The following BCAS3 variants were observed in gnomAD, a reference collection of about 807,000 sequenced individuals.
The protein encoded by BCAS3 is BCAS4/BCAS3 fusion.
In BCAS3, 53 loss-of-function variants were observed where a neutral mutation model predicts 116.1. The ratio of observed to expected loss-of-function variants is 0.46; its 90% CI spans 0.37 to 0.57. BCAS3 has a LOEUF of 0.57. BCAS3 is among the 20% of genes least tolerant of loss of function. The pLI is 0.00. For synonymous variants in BCAS3, 391 were observed against 408.2 expected (o/e 0.96, Z 0.51); for missense variants, 917 against 1,165.4 (o/e 0.79, Z 3.10).
At chr17:60,948,893 T>G (rs775742074) in intron 14 of BCAS3, among the ~76,000 whole-genome samples, 69 of 151,558 alleles carry the variant, frequency 4.6e-4, no homozygotes, top group Non-Finnish European at 9.0e-4. Flanking sequence ...TTTTTTTCCC[T>G]CAAGATGAAG....
intron 5 of BCAS3, among the ~76,000 whole-genome samples, chr17:60,738,025 G>C (rs1386850949): frequency 1.3e-5 from 2 of 152,080 alleles, no homozygotes; most frequent in Non-Finnish European, 2.9e-5. Flanking sequence ...GATCTCAGGT[G>C]ATCTGCTTGT....
intron 18 of BCAS3, among the ~76,000 whole-genome samples, chr17:61,038,500 G>A (rs1031666994): frequency 8.6e-5 from 13 of 151,530 alleles, no homozygotes; most frequent in Non-Finnish European, 1.0e-4. Context: ...TGATCTGCCC[G>A]CCTCAGCCTC....
chr17:60,810,812 A>G, intron 7 of BCAS3: 1 of 679,404 alleles, frequency 1.5e-6, no homozygotes, highest in Non-Finnish European at 2.7e-6. Context: ...CTGAAGAAAA[A>G]CCTCGAAGAG....
chr17:61,232,200 G>GA (rs71148394), intron 22 of BCAS3, among the ~76,000 whole-genome samples: 46,580 of 72,434 alleles, frequency 0.64, 15,638 homozygotes, highest in East Asian at 0.88. Context: ...GAAAGACTCC[G>GA]AAAAAAAAAA....
At chr17:61,253,363 A>G (rs1024158370) in intron 22 of BCAS3, among the ~76,000 whole-genome samples, 2 of 151,590 alleles carry the variant, frequency 1.3e-5, no homozygotes, top group African/African-American at 4.8e-5. Flanking sequence ...GAGAATATAT[A>G]TATATATAAT....
rs939550500 is a variant in BCAS3 at position 61,226,104 on chromosome 17, T to TG, written c.2425+141546dup. 1.3e-5 allele frequency among the ~76,000 whole-genome samples: 2 copies of TG among 152,158 alleles called. No homozygotes were observed. The highest frequency in any genetic ancestry group is 2.4e-5 in the African/African-American group (1 of 41,528). Reference sequence around the variant, plus strand: ...GTGCCTGTCGAGAGTCCCAGCTGCTTGGGGGGCTAAGGTGGGAGGATCATT... The same window carrying TG: ...GTGCCTGTCGAGAGTCCCAGCTGCTTGGGGGGGCTAAGGTGGGAGGATCATT... On this transcript the variant is annotated intron_variant, in intron 22 of 23. Coordinates refer to ENST00000407086, the MANE Select transcript of BCAS3 (RefSeq NM_017679.5). This position sits in a 1 kb window ranked among gnomAD's most constrained non-coding sequence, Gnocchi z 6.0.
intron 6 of BCAS3, among the ~76,000 whole-genome samples, chr17:60,763,519 A>G (rs1466404004): frequency 6.6e-6 from 1 of 151,846 alleles, no homozygotes; most frequent in Non-Finnish European, 1.5e-5. Context: ...TGTATGTTGA[A>G]CCAGCCTTGC....
chr17:61,248,448 C>T lies in BCAS3; in HGVS notation c.2426-119879C>T, dbSNP rs539826225. Among the ~76,000 whole-genome samples, 81 of 152,308 alleles carry T rather than the reference C, an allele frequency of 5.3e-4. No homozygotes were observed. The highest frequency in any genetic ancestry group is 6.3e-4 in the Non-Finnish European group (43 of 68,030). On this transcript the variant is annotated intron_variant, in intron 22 of 23. Coordinates refer to ENST00000407086, the MANE Select transcript of BCAS3 (RefSeq NM_017679.5). The surrounding 1 kb of genome is among the most constrained non-coding windows in gnomAD (Gnocchi z 4.3). ...CTCAGGTCTTTCAAAGAAAACAACT[C>T]GTAAAGATACTGGCAGTTGAAGGTC...
intron 22 of BCAS3, among the ~76,000 whole-genome samples, chr17:61,267,284 C>T (rs898393622): frequency 6.6e-6 from 1 of 151,954 alleles, no homozygotes; most frequent in Non-Finnish European, 1.5e-5. Context: ...GTCTCGATCT[C>T]CTGACCTCAT....
In BCAS3 at chr17:61,034,512, A is replaced by G. The variant is rs1387784140; in HGVS notation, c.1638-154A>G. ...AATAATTCTACTTTTACTCCAGAAC[A>G]TAGTCTCACATCACCATTTATTACT... On this transcript the variant is annotated intron_variant, in intron 16 of 23. Transcript: ENST00000407086. This position sits in a 1 kb window ranked among gnomAD's most constrained non-coding sequence, Gnocchi z 5.0. 1.0e-5 allele frequency: 6 copies of G among 600,338 alleles called. No homozygotes were observed. Among genetic ancestry groups the G allele is most frequent in the African/African-American group, 1.9e-5 (1 of 51,760 alleles). The allele number at this position is 600,338 out of a possible 1,614,324, so 37.2% of individuals were successfully genotyped here. A position where few individuals can be genotyped will look rare whatever the true frequency, so the allele number is the denominator to read the frequency against.
chr17:60,959,698 G>GT lies in BCAS3; in HGVS notation c.1221+12353dup, dbSNP rs992768010. Among the ~76,000 whole-genome samples the GT allele has an allele frequency of 4.6e-5, 7 of 152,206 alleles. No individual in the cohort carries two copies. In the East Asian group the frequency reaches 1.2e-3, roughly 25 times the overall value. ...GGATGATGTCCAGATTTACTCAATG[G>GT]TTTTTTTCCTGTGGTTACTACAACA... On this transcript the variant is annotated intron_variant, in intron 14 of 23. Coordinates refer to ENST00000407086, the MANE Select transcript of BCAS3 (RefSeq NM_017679.5).
intron 22 of BCAS3, among the ~76,000 whole-genome samples, chr17:61,255,595 G>A (rs751404826): frequency 2.6e-5 from 4 of 152,210 alleles, no homozygotes; most frequent in Non-Finnish European, 5.9e-5. Context: ...GCTGAAATCA[G>A]AGTAGACTTG....
chr17:61,129,719 A>G (rs911573994), intron 22 of BCAS3, among the ~76,000 whole-genome samples: 1 of 152,206 alleles, frequency 6.6e-6, no homozygotes, highest in Non-Finnish European at 1.5e-5. Flanking sequence ...GCCGATCTTC[A>G]GTTTCAGAAC....
intron 22 of BCAS3, among the ~76,000 whole-genome samples, chr17:61,170,146 GC>G (rs755617731): frequency 9.2e-5 from 14 of 151,978 alleles, no homozygotes; most frequent in Non-Finnish European, 1.8e-4. Context: ...GAGTCACCGC[GC>G]CCGGCTAACA....
chr17:60,756,449 T>C (rs530077074), intron 6 of BCAS3, among the ~76,000 whole-genome samples: 1 of 152,312 alleles, frequency 6.6e-6, no homozygotes, highest in Non-Finnish European at 1.5e-5. Flanking sequence ...TCCCAGGCTC[T>C]GGTATGTATC....
chr17:60,832,648 G>C (rs2051040454), intron 7 of BCAS3, among the ~76,000 whole-genome samples: 1 of 152,036 alleles, frequency 6.6e-6, no homozygotes, highest in Admixed American at 6.6e-5. Context: ...AATGTAAAGA[G>C]GTTATTTTTT....
intron 7 of BCAS3, among the ~76,000 whole-genome samples, chr17:60,848,022 A>G (rs2052685793): frequency 6.6e-6 from 1 of 152,206 alleles, no homozygotes; most frequent in Non-Finnish European, 1.5e-5. Context: ...ATTCTTTTGC[A>G]GAGAAATATC....
intron 9 of BCAS3, 43 bp from the exon 10 acceptor site, chr17:60,889,652 G>A: frequency 6.6e-7 from 1 of 1,516,840 alleles, no homozygotes; most frequent in Non-Finnish European, 9.1e-7. Flanking sequence ...CAACAGAAAA[G>A]TTATTAAGAA....
intron 7 of BCAS3, among the ~76,000 whole-genome samples, chr17:60,865,702 A>G (rs530939175): frequency 6.6e-6 from 1 of 152,180 alleles, no homozygotes; most frequent in Non-Finnish European, 1.5e-5. Context: ...AGATCATGTT[A>G]TCTGTGATGG....
Sources: gnomAD v4.1 joint callset for allele counts (sites outside exome capture counted in the v4.1 genomes callset) on GRCh38, gnomAD v4.1.1 for gene constraint, Gnocchi (gnomAD v3.1) non-coding constraint, MANE v1.5 for transcripts, NCBI Gene and HGNC (gene_info 2026-07-23, HGNC 2026-07-21) for gene names.